The following ADGRG4 variants were observed in gnomAD, a reference collection of about 807,000 sequenced individuals.
The protein encoded by ADGRG4 is G protein-coupled receptor 112.
ADGRG4 carries 122 observed loss-of-function variants against 126.2 expected under a neutral mutation model. That is an observed-to-expected ratio of 0.97 (90% confidence interval 0.83 to 1.12). ADGRG4 has a LOEUF of 1.12. ADGRG4 is among the 50% of genes most tolerant of loss of function. The probability of loss-of-function intolerance (pLI) is 0.00; values close to 1 mark genes in which losing one functional copy is unlikely to be tolerated. For missense variants in ADGRG4, 2,481 were observed against 2,251.8 expected, an observed-to-expected ratio of 1.10 and a Z score of -2.06; for synonymous variants, 943 against 838.7, an observed-to-expected ratio of 1.12 and a Z score of -2.15.
intron 4 of ADGRG4, among the ~76,000 whole-genome samples, chrX:136,321,333 T>C (rs2074838277): frequency 9.0e-6 from 1 of 111,639 alleles, no homozygotes; most frequent in South Asian, 3.8e-4. Flanking sequence ...TATATGAGTG[T>C]GTGTGGGGGG....
intron 13 of ADGRG4, among the ~76,000 whole-genome samples, chrX:136,366,026 C>T (rs2075156521): frequency 2.7e-5 from 3 of 112,288 alleles, no homozygotes; most frequent in African/African-American, 9.7e-5. Flanking sequence ...TGAATGTACA[C>T]TGACACATCG....
chrX:136,301,819 C>T (rs1157376057), intron 1 of ADGRG4, among the ~76,000 whole-genome samples: 1 of 111,657 alleles, frequency 9.0e-6, no homozygotes, highest in Non-Finnish European at 1.9e-5. Context: ...GTTTTCCCAG[C>T]ACCGTTTATT....
intron 15 of ADGRG4, among the ~76,000 whole-genome samples, chrX:136,383,851 TTTCTTTCTTTC>T (rs2075277276): frequency 2.4e-5 from 2 of 82,062 alleles, no homozygotes; most frequent in Non-Finnish European, 5.1e-5. Context: ...TCTTTCTTTC[TTTCTTTCTTTC>T]TTTCTTTCTT....
intron 13 of ADGRG4, among the ~76,000 whole-genome samples, chrX:136,367,400 A>G (rs1458349669): frequency 8.9e-6 from 1 of 112,489 alleles, no homozygotes; most frequent in Non-Finnish European, 1.9e-5. Context: ...GGAAAGTTAG[A>G]GGGTTTGTGT....
Position 136,345,657 on chromosome X carries a change from A to G in ADGRG4, c.1951A>G (p.Ser651Gly), listed in dbSNP as rs755485958. The change falls in exon 6 of 26, where the codon AGC (serine) becomes GGC (glycine). Residue 651 changes from serine to glycine, a missense_variant. Ser to Gly is a moderately conservative substitution (Grantham distance 56). Transcript: ENST00000394143. ...TTDEAAHLFSSNETIWTSRPD... is the reference protein window; with the variant it reads ...TTDEAAHLFSGNETIWTSRPD... ...TGATGAAGCTGCCCATCTGTTCTCC[A>G]GCAATGAGACCATTTGGACTTCTAG... The G allele has an allele frequency of 5.0e-6, 6 of 1,210,994 alleles. 1 individual carries two copies. In the South Asian group the frequency reaches 8.8e-5, roughly 18 times the overall value.
At chrX:136,355,228 C>CACAT (rs1281070587) in intron 8 of ADGRG4, among the ~76,000 whole-genome samples, 5 of 109,492 alleles carry the variant, frequency 4.6e-5, no homozygotes, top group Non-Finnish European at 9.5e-5. Context: ...TGTGTACACA[C>CACAT]ACACACACAC....
rs779853410 is a variant in ADGRG4, at chrX:136,347,985, T to C, written c.4279T>C (p.Ser1427Pro). ...DTTTSSSTRI[S>P]NPMDINTTFS... ...CACAACTTCCAGCTCAACAAGGATA[T>C]CAAATCCTATGGACATCAATACAAC... Residue 1427 changes from serine to proline, a missense_variant, in exon 6 of 26, where the codon TCA becomes CCA. Coordinates refer to ENST00000394143, the MANE Select transcript of ADGRG4 (RefSeq NM_153834.4). The C allele has an allele frequency of 8.3e-7, 1 of 1,210,788 alleles. No individual in the cohort carries two copies. The highest frequency in any genetic ancestry group is 1.1e-6 in the Non-Finnish European group (1 of 894,717).
At chrX:136,320,412 G>A (rs188673395) in intron 4 of ADGRG4, among the ~76,000 whole-genome samples, 2 of 111,958 alleles carry the variant, frequency 1.8e-5, no homozygotes, top group African/African-American at 6.5e-5. Flanking sequence ...CTAGCAGCGT[G>A]TAAGAGTGAC....
In ADGRG4 at chrX:136,344,509, C is replaced by T. The variant is rs767456451; in HGVS notation, c.803C>T (p.Thr268Ile). The change falls in exon 6 of 26, where the codon ACA becomes ATA. Residue 268 changes from threonine to isoleucine, a missense_variant. Coordinates refer to ENST00000394143, the MANE Select transcript of ADGRG4 (RefSeq NM_153834.4). ...CCACAAAATACTGCACATTCCTCTA[C>T]ACTATTGTCTCAAAGCATACCTATA... Reference protein sequence around the residue: ...VKPQNTAHSSTLLSQSIPIFA... With the variant: ...VKPQNTAHSSILLSQSIPIFA... The T allele has an allele frequency of 8.3e-7, 1 of 1,205,491 alleles. No individual in the cohort carries two copies. The highest frequency in any genetic ancestry group is 1.8e-5 in the African/African-American group (1 of 57,122).
chrX:136,412,938 C>T (rs180709642), intron 24 of ADGRG4, among the ~76,000 whole-genome samples: 13 of 111,803 alleles, frequency 1.2e-4, no homozygotes, highest in Admixed American at 1.9e-4. Context: ...CCATTCAATT[C>T]AGGCAGCTTC....
chrX:136,351,967 T>A (rs942438872), intron 7 of ADGRG4, among the ~76,000 whole-genome samples: 4 of 111,420 alleles, frequency 3.6e-5, no homozygotes, highest in Non-Finnish European at 5.7e-5. Context: ...GTTTTACTTA[T>A]CCTTAATTTT....
At position 136,346,582 on chromosome X, in the gene ADGRG4, C is replaced by T. The variant is rs1469870698; in HGVS notation, c.2876C>T (p.Thr959Ile). 2.5e-6 allele frequency: 3 copies of T among 1,209,796 alleles called. No individual in the cohort carries two copies. The highest frequency in any genetic ancestry group is 3.0e-5 in the East Asian group (1 of 33,813). ...ISAGSPTSGS[T>I]HIFGEPLGAS... ...GCTGGATCTCCCACTTCTGGGAGCACACATATATTCGGTGAACCCCTGGGT... is the reference window on the plus strand; with the variant it reads ...GCTGGATCTCCCACTTCTGGGAGCATACATATATTCGGTGAACCCCTGGGT... Residue 959 changes from threonine to isoleucine, a missense_variant, in exon 6 of 26, where the codon ACA becomes ATA. Transcript: ENST00000394143.
chrX:136,356,853 A>G (rs1354615042), intron 9 of ADGRG4, among the ~76,000 whole-genome samples: 1 of 111,238 alleles, frequency 9.0e-6, no homozygotes, highest in Non-Finnish European at 1.9e-5. Context: ...ATTTAAAAAT[A>G]TTAGCCAGGC....
Position 136,322,970 on chromosome X carries a change from T to C in ADGRG4, c.263T>C (p.Ile88Thr), listed in dbSNP as rs760147451. 2 of 1,209,825 alleles carry C rather than the reference T, an allele frequency of 1.7e-6. No homozygotes were observed. The highest frequency in any genetic ancestry group is 1.8e-5 in the South Asian group (1 of 56,815). ...TNNALLGRED[I>T]DLGLAGDHQQ... ...AACGCCCTCCTGGGCAGAGAAGACA[T>C]AGACCTTGGACTTGCAGGAGACCAT... is the stretch of plus-strand genomic sequence containing the variant. Residue 88 changes from isoleucine to threonine, a missense_variant, in exon 5 of 26, where the codon ATA becomes ACA. Coordinates refer to ENST00000394143, the MANE Select transcript of ADGRG4 (RefSeq NM_153834.4).
chrX:136,395,263 C>A lies in ADGRG4; in HGVS notation c.8081-127C>A, dbSNP rs781452110. On this transcript the variant is annotated intron_variant, in intron 18 of 25. Coordinates refer to ENST00000394143, the MANE Select transcript of ADGRG4 (RefSeq NM_153834.4). ...AATTTAATTTCAGTGTTCAATTATA[C>A]CCCTAATCTTGCTATCTCAGCAAAT... The A allele has an allele frequency of 7.3e-5, 31 of 423,364 alleles. No homozygotes were observed. In the South Asian group the frequency reaches 1.0e-3, roughly 14 times the overall value. 34.9% of individuals were successfully genotyped at this position (423,364 alleles called of 1,213,427 possible).
At chrX:136,373,286 G>A (rs2075205836) in intron 15 of ADGRG4, among the ~76,000 whole-genome samples, 1 of 111,976 alleles carries the variant, frequency 8.9e-6, no homozygotes, top group African/African-American at 3.2e-5. Flanking sequence ...TTGGCCCTGT[G>A]ACCCCAAATT....
At chrX:136,411,985 T>C (rs756274168) in intron 23 of ADGRG4, among the ~76,000 whole-genome samples, 2 of 112,927 alleles carry the variant, frequency 1.8e-5, no homozygotes, top group South Asian at 7.3e-4. Context: ...AATGCCAGGA[T>C]GTGGGGATCA....
chrX:136,392,585 G>A (rs1387722970), intron 17 of ADGRG4, among the ~76,000 whole-genome samples: 1 of 111,933 alleles, frequency 8.9e-6, no homozygotes, highest in Non-Finnish European at 1.9e-5. Context: ...GTGGGGCAGT[G>A]ACTGGATCTT....
At chrX:136,395,326 A>G in intron 18 of ADGRG4, 64 bp from the exon 19 acceptor site, 2 of 674,907 alleles carry the variant, frequency 3.0e-6, no homozygotes, top group Non-Finnish European at 4.7e-6. Flanking sequence ...AGTGAATATA[A>G]TGAAAAGTTA....
Sources: gnomAD v4.1 joint callset for allele counts (sites outside exome capture counted in the v4.1 genomes callset) on GRCh38, gnomAD v4.1.1 for gene constraint, MANE v1.5 for transcripts, NCBI Gene and HGNC (gene_info 2026-07-23, HGNC 2026-07-21) for gene names.